Variants in PTPRD observed in about 807,000 individuals in gnomAD.
PTPRD encodes protein tyrosine phosphatase receptor type D, also known as receptor-type tyrosine-protein phosphatase delta.
Under a neutral mutation model 214.5 loss-of-function variants are expected in PTPRD, and 34 were observed. The ratio of observed to expected loss-of-function variants is 0.16; its 90% CI spans 0.12 to 0.21. The LOEUF (loss-of-function observed/expected upper bound fraction) is 0.21, where lower values mean the gene tolerates loss of function less well. Among genes scored for constraint, PTPRD ranks in the 10% least tolerant of loss-of-function variants. PTPRD has a pLI of 1.00. For missense variants in PTPRD, 2,545 were observed against 2,398.7 expected (o/e 1.06, Z -1.27); for synonymous variants, 1,128 against 845.7 (o/e 1.33, Z -5.79).
At chr9:10,172,155 T>C (rs1454542003) in intron 3 of PTPRD, among the ~76,000 whole-genome samples, 1 of 152,164 alleles carries the variant, frequency 6.6e-6, no homozygotes, top group Non-Finnish European at 1.5e-5. Flanking sequence ...AAAAAGTTAC[T>C]TGGTTCTAGT....
At chr9:8,357,230 A>G (rs1163796414) in intron 39 of PTPRD, among the ~76,000 whole-genome samples, 2 of 152,224 alleles carry the variant, frequency 1.3e-5, no homozygotes, top group Admixed American at 6.5e-5. Context: ...TTCTCCAGTC[A>G]CTGCTGTGGA....
At chr9:9,580,514 G>C (rs888960565) in intron 7 of PTPRD, among the ~76,000 whole-genome samples, 1 of 149,536 alleles carries the variant, frequency 6.7e-6, no homozygotes, top group Non-Finnish European at 1.5e-5. Flanking sequence ...CTTTTGAATG[G>C]TGTCTATTCA....
intron 14 of PTPRD, among the ~76,000 whole-genome samples, chr9:8,622,619 A>C (rs886120733): frequency 6.6e-6 from 1 of 151,926 alleles, no homozygotes; most frequent in Non-Finnish European, 1.5e-5. Context: ...CCATCTTTTT[A>C]TTCCCAACAC....
In PTPRD at chr9:10,121,337, A is replaced by C. The variant is rs117832521; in HGVS notation, c.-544-87547T>G. Among the ~76,000 whole-genome samples, 998 of 152,272 alleles carry C rather than the reference A, an allele frequency of 6.6e-3. 9 individuals carry two copies. The highest frequency in any genetic ancestry group is 0.02 in the South Asian group (96 of 4,830). ...TAGAGTTGGCTTTGGGATACATTTC[A>C]ATTTGGAAGCAGATTTATTTCCTAA... On this transcript the variant is annotated intron_variant, in intron 3 of 45. Coordinates refer to ENST00000381196, the MANE Select transcript of PTPRD (RefSeq NM_002839.4).
At chr9:9,297,488 A>G (rs1953527570) in intron 9 of PTPRD, among the ~76,000 whole-genome samples, 1 of 151,628 alleles carries the variant, frequency 6.6e-6, no homozygotes, top group Non-Finnish European at 1.5e-5. Flanking sequence ...CCAAAATTAA[A>G]CAAGTATTTA....
At chr9:9,347,160 C>T (rs117434232) in intron 9 of PTPRD, among the ~76,000 whole-genome samples, 1 of 152,028 alleles carries the variant, frequency 6.6e-6, no homozygotes, top group African/African-American at 2.4e-5. Context: ...CAGAGTGAGG[C>T]TCTGTTTGAA....
chr9:10,466,785 G>C (rs116182255), intron 2 of PTPRD, among the ~76,000 whole-genome samples: 2 of 151,994 alleles, frequency 1.3e-5, no homozygotes, highest in African/African-American at 4.8e-5. Flanking sequence ...CAAATACAAA[G>C]GGGGAATTAT....
At chr9:10,500,905 T>C (rs1014069396) in intron 2 of PTPRD, among the ~76,000 whole-genome samples, 2 of 151,858 alleles carry the variant, frequency 1.3e-5, no homozygotes, top group South Asian at 2.1e-4. Context: ...TTCCCTTTTG[T>C]ATATATACCA....
intron 2 of PTPRD, among the ~76,000 whole-genome samples, chr9:10,481,998 G>C (rs1435519409): frequency 6.6e-6 from 1 of 151,788 alleles, no homozygotes; most frequent in African/African-American, 2.4e-5. Context: ...GGTACAAAAT[G>C]AAAGAAGGCA....
At chr9:9,103,920 T>G (rs1389091666) in intron 10 of PTPRD, among the ~76,000 whole-genome samples, 3 of 152,016 alleles carry the variant, frequency 2.0e-5, no homozygotes, top group Non-Finnish European at 4.4e-5. Flanking sequence ...GAGGCAGAGG[T>G]TGCAGCGAGC....
At position 8,421,048 on chromosome 9, in the gene PTPRD, G is replaced by A. The variant is rs192542508; in HGVS notation, c.4086+15544C>T. Among the ~76,000 whole-genome samples the A allele has an allele frequency of 4.1e-4, 62 of 152,158 alleles. 2 individuals are homozygous for A. The East Asian group carries it at 0.011, about 28-fold the overall frequency. On this transcript the variant is annotated intron_variant, in intron 35 of 45. Transcript: ENST00000381196. ...CTAGAAAGAGGACCATGCCCATAAA[G>A]TTGCTGTTCCTCCGTCTCCAAAAGA...
chr9:10,297,504 A>G (rs981518219), intron 3 of PTPRD, among the ~76,000 whole-genome samples: 8 of 151,870 alleles, frequency 5.3e-5, no homozygotes, highest in African/African-American at 1.9e-4. Flanking sequence ...CCAGTAGGGA[A>G]AGTGAATTCC....
chr9:10,278,904 A>G (rs1290175567), intron 3 of PTPRD, among the ~76,000 whole-genome samples: 1 of 152,020 alleles, frequency 6.6e-6, no homozygotes, highest in African/African-American at 2.4e-5. Flanking sequence ...CCTCCCGAGT[A>G]GCTGGGACTA....
At chr9:8,654,899 T>C (rs745832409) in intron 12 of PTPRD, among the ~76,000 whole-genome samples, 11 of 152,164 alleles carry the variant, frequency 7.2e-5, no homozygotes, top group Non-Finnish European at 1.5e-4. Context: ...GTGATATTAT[T>C]AGCTCTTTTT....
At chr9:10,356,194 A>C (rs2097274253) in intron 2 of PTPRD, among the ~76,000 whole-genome samples, 1 of 152,014 alleles carries the variant, frequency 6.6e-6, no homozygotes, top group Non-Finnish European at 1.5e-5. Context: ...GGCTTCCTAA[A>C]AGCCTATTCA....
At chr9:10,397,720 G>A (rs1299507621) in intron 2 of PTPRD, among the ~76,000 whole-genome samples, 1 of 151,958 alleles carries the variant, frequency 6.6e-6, no homozygotes, top group East Asian at 2.0e-4. Flanking sequence ...TGTGGCCTAG[G>A]AGCAATAGGC....
intron 7 of PTPRD, among the ~76,000 whole-genome samples, chr9:9,679,951 C>T (rs2097029849): frequency 6.6e-6 from 1 of 151,662 alleles, no homozygotes; most frequent in African/African-American, 2.4e-5. Context: ...TGCAAAACTG[C>T]CATAAGTGTA....
At chr9:10,161,702 T>G (rs970586519) in intron 3 of PTPRD, among the ~76,000 whole-genome samples, 2 of 151,716 alleles carry the variant, frequency 1.3e-5, no homozygotes, top group Non-Finnish European at 3.0e-5. Flanking sequence ...AATGGGATTA[T>G]ATCAAGCTAA....
At chr9:8,639,303 C>T (rs2096522772) in intron 12 of PTPRD, among the ~76,000 whole-genome samples, 1 of 152,090 alleles carries the variant, frequency 6.6e-6, no homozygotes, top group Non-Finnish European at 1.5e-5. Flanking sequence ...TTGTCAGTAA[C>T]CAATGGAAAA....
Sources: allele counts gnomAD v4.1 joint callset (sites outside exome capture counted in the v4.1 genomes callset), GRCh38; gene constraint gnomAD v4.1.1; transcripts MANE v1.5; gene names NCBI Gene and HGNC (gene_info 2026-07-23, HGNC 2026-07-21).